ANKRD28: variants seen among roughly 807,000 people sequenced by gnomAD.
ANKRD28 encodes ankyrin repeat domain 28, also known as serine/threonine-protein phosphatase 6 regulatory ankyrin repeat subunit A.
In ANKRD28, 44 loss-of-function variants were observed where a neutral mutation model predicts 126.5. The ratio of observed to expected loss-of-function variants is 0.35; its 90% CI spans 0.27 to 0.45. The LOEUF is 0.45. ANKRD28 is among the 20% of genes least tolerant of loss of function. The pLI, the probability that ANKRD28 is intolerant of heterozygous loss-of-function variation, is 1.00. For missense variants in ANKRD28, 1,110 were observed against 1,316.6 expected, an observed-to-expected ratio of 0.84 and a Z score of 2.43; for synonymous variants, 442 against 468.5, an observed-to-expected ratio of 0.94 and a Z score of 0.73.
chr3:15,810,711 T>G (rs1433108567), intron 1 of ANKRD28, among the ~76,000 whole-genome samples: 1 of 152,054 alleles, frequency 6.6e-6, no homozygotes, highest in African/African-American at 2.4e-5. Flanking sequence ...CTTTTTTTTT[T>G]TTTTCCCCTA....
chr3:15,776,279 T>C (rs1477246137), intron 2 of ANKRD28, among the ~76,000 whole-genome samples: 1 of 152,200 alleles, frequency 6.6e-6, no homozygotes, highest in Non-Finnish European at 1.5e-5. Context: ...TAGCCAAGTA[T>C]TTATACTATA....
chr3:15,772,739 T>G (rs1323452737), intron 2 of ANKRD28, among the ~76,000 whole-genome samples: 2 of 152,214 alleles, frequency 1.3e-5, no homozygotes, highest in Non-Finnish European at 2.9e-5. Flanking sequence ...CAGGCTAGCG[T>G]GCAGTGGCGC....
chr3:15,855,326 C>T (rs2061741841), intron 1 of ANKRD28, among the ~76,000 whole-genome samples: 1 of 152,014 alleles, frequency 6.6e-6, no homozygotes, highest in Non-Finnish European at 1.5e-5. Flanking sequence ...TATATGCCAA[C>T]CCTGTTTAAA....
At position 15,779,212 on chromosome 3, in the gene ANKRD28, G is replaced by A. The variant is rs190512145; in HGVS notation, c.202-12900C>T. 6.6e-5 allele frequency among the ~76,000 whole-genome samples: 10 copies of A among 152,214 alleles called. No homozygotes were observed. In the East Asian group the frequency reaches 1.2e-3, roughly 18 times the overall value. On this transcript the variant is annotated intron_variant, in intron 2 of 27. Transcript: ENST00000683139. ...AAACTGCAGCCTGAAAGCTTAAGAC[G>A]AGGCAAAGGAAGAGGGTGAGAATGC...
intron 4 of ANKRD28, among the ~76,000 whole-genome samples, chr3:15,737,899 TA>T (rs34999182): frequency 0.62 from 89,270 of 144,274 alleles, 27,248 homozygotes; most frequent in East Asian, 0.67. Context: ...TCAATTTCAT[TA>T]AAAAAAAAAA....
rs757484959 is a variant in ANKRD28 at position 15,714,561 on chromosome 3, A to C, written c.1075+17T>G. On this transcript the variant is annotated intron_variant, in intron 9 of 27. Coordinates refer to ENST00000683139, the MANE Select transcript of ANKRD28 (RefSeq NM_001349278.2). ...AAAAAAAAAAAACCCCAAAAAAAAA[A>C]CAGAAATACTTTTTACCACTCTGGA... 529 of 1,558,302 alleles carry C rather than the reference A, an allele frequency of 3.4e-4. 2 individuals are homozygous for C. In the Middle Eastern group the frequency reaches 4.1e-3, roughly 12 times the overall value.
In ANKRD28 at chr3:15,853,236, A is replaced by G. The variant is rs2061690107; in HGVS notation, c.27+6141T>C. Among the ~76,000 whole-genome samples, 1 of 152,206 alleles carries G rather than the reference A, an allele frequency of 6.6e-6. No homozygotes were observed. Among genetic ancestry groups the G allele is most frequent in the Non-Finnish European group, 1.5e-5 (1 of 68,030 alleles). On this transcript the variant is annotated intron_variant, in intron 1 of 27. Transcript: ENST00000399451. The surrounding 1 kb of genome is among the most constrained non-coding windows in gnomAD (Gnocchi z 4.2). ...ATTTGATATGATGTGAACCGCCCAT[A>G]GGATACATTATTCAAAACAAAAGAC...
chr3:15,706,283 T>G (rs972308155), intron 14 of ANKRD28, among the ~76,000 whole-genome samples: 4 of 151,080 alleles, frequency 2.6e-5, no homozygotes, highest in Non-Finnish European at 5.9e-5. Flanking sequence ...ATGTTCCCCT[T>G]CCTGTGTCCA....
chr3:15,825,637 G>C (rs911293495), intron 1 of ANKRD28, among the ~76,000 whole-genome samples: 18 of 152,020 alleles, frequency 1.2e-4, no homozygotes, highest in African/African-American at 3.9e-4. Flanking sequence ...TGATAAGAAT[G>C]ATCATACTAT....
rs1340000233 is a variant in ANKRD28, at chr3:15,711,198, A to G, written c.1337+13T>C. 1 of 1,601,924 alleles carries G rather than the reference A, an allele frequency of 6.2e-7. No homozygotes were observed. Among genetic ancestry groups the G allele is most frequent in the Admixed American group, 1.7e-5 (1 of 58,850 alleles). ...TATCTTTTCTTAAAGAAATAAAAAT[A>G]CTATTAACATACCCTCCAGCTGCAG... On this transcript the variant is annotated intron_variant, in intron 12 of 27. Coordinates refer to ENST00000683139, the MANE Select transcript of ANKRD28 (RefSeq NM_001349278.2).
At chr3:15,793,343 A>T (rs2060119196) in intron 2 of ANKRD28, among the ~76,000 whole-genome samples, 1 of 152,208 alleles carries the variant, frequency 6.6e-6, no homozygotes, top group African/African-American at 2.4e-5. Context: ...AAGGGTCACG[A>T]GAGAAAAGGC....
chr3:15,850,226 G>C (rs7632206), intron 1 of ANKRD28, among the ~76,000 whole-genome samples: 2 of 34,608 alleles, frequency 5.8e-5, no homozygotes, highest in African/African-American at 2.5e-4. Flanking sequence ...TATATATATA[G>C]AGAGAGAGAG....
At chr3:15,850,222 T>G (rs75497879) in intron 1 of ANKRD28, among the ~76,000 whole-genome samples, 145 of 41,792 alleles carry the variant, frequency 3.5e-3, no homozygotes, top group Middle Eastern at 0.026. Flanking sequence ...TATATATATA[T>G]ATAGAGAGAG....
At position 15,815,820 on chromosome 3, in the gene ANKRD28, T is replaced by C. The variant is rs1307214771; in HGVS notation, c.28-20514A>G. On this transcript the variant is annotated intron_variant, in intron 1 of 27. Transcript: ENST00000399451. This position sits in a 1 kb window ranked among gnomAD's most constrained non-coding sequence, Gnocchi z 4.1. ...TGAACAAATCAACCTCATCAGAAAA[T>C]ATTAAAGGTACATTATTTTAGGTTC... Among the ~76,000 whole-genome samples the C allele has an allele frequency of 1.3e-5, 2 of 152,092 alleles. No homozygotes were observed. Among genetic ancestry groups the C allele is most frequent in the Non-Finnish European group, 2.9e-5 (2 of 68,016 alleles).
intron 3 of ANKRD28, among the ~76,000 whole-genome samples, chr3:15,764,748 ACCT>A (rs1428807760): frequency 6.6e-6 from 1 of 152,108 alleles, no homozygotes; most frequent in Admixed American, 6.5e-5. Flanking sequence ...AATTTTGTCA[ACCT>A]CCTCAGTTCT....
At chr3:15,736,477 CA>C (rs1402144608) in intron 5 of ANKRD28, among the ~76,000 whole-genome samples, 2 of 152,128 alleles carry the variant, frequency 1.3e-5, no homozygotes, top group Non-Finnish European at 2.9e-5. Context: ...ACCCCTGCAA[CA>C]AAAATGAAAG....
At chr3:15,725,698 T>G (rs891307105) in intron 6 of ANKRD28, among the ~76,000 whole-genome samples, 1 of 152,192 alleles carries the variant, frequency 6.6e-6, no homozygotes, top group East Asian at 1.9e-4. Flanking sequence ...ATCACTGATC[T>G]TTGACATTCC....
At chr3:15,743,580 A>G (rs9855994) in intron 4 of ANKRD28, among the ~76,000 whole-genome samples, 13 of 150,552 alleles carry the variant, frequency 8.6e-5, no homozygotes, top group African/African-American at 3.0e-4. Flanking sequence ...ACACACACAC[A>G]CACACACACA....
At chr3:15,751,014 T>C (rs938720371) in intron 4 of ANKRD28, among the ~76,000 whole-genome samples, 1 of 151,944 alleles carries the variant, frequency 6.6e-6, no homozygotes, top group African/African-American at 2.4e-5. Context: ...GAATACACAT[T>C]ATAAAGTAAA....
Sources: allele counts gnomAD v4.1 joint callset (sites outside exome capture counted in the v4.1 genomes callset), GRCh38; gene constraint gnomAD v4.1.1; non-coding constraint Gnocchi (gnomAD v3.1); transcripts MANE v1.5; gene names NCBI Gene and HGNC (gene_info 2026-07-23, HGNC 2026-07-21).